The following UMODL1 variants were observed in gnomAD, a reference collection of about 807,000 sequenced individuals.
UMODL1 encodes the protein uromodulin like 1.
UMODL1 carries 128 observed loss-of-function variants against 136.3 expected under a neutral mutation model. The ratio of observed to expected loss-of-function variants is 0.94; its 90% CI spans 0.81 to 1.09. The LOEUF (loss-of-function observed/expected upper bound fraction) is 1.09, where lower values mean the gene tolerates loss of function less well. Ranked by LOEUF, UMODL1 falls within the 50% of genes least tolerant of loss-of-function variation. The pLI is 0.00. For synonymous variants in UMODL1, 721 were observed against 720.0 expected (o/e 1.00, Z -0.02); for missense variants, 1,766 against 1,725.6 (o/e 1.02, Z -0.41).
intron 17 of UMODL1, among the ~76,000 whole-genome samples, chr21:42,124,037 G>T (rs2067017445): frequency 6.6e-6 from 1 of 152,198 alleles, no homozygotes; most frequent in South Asian, 2.1e-4. Context: ...TGCGTCCTGG[G>T]TCTACTCTGA....
At chr21:42,119,891 T>G (rs975505544) in intron 15 of UMODL1, among the ~76,000 whole-genome samples, 2 of 152,226 alleles carry the variant, frequency 1.3e-5, no homozygotes, top group African/African-American at 4.8e-5. Flanking sequence ...AACGATGAGA[T>G]GCTGACTGCA....
chr21:42,130,703 T>C (rs2067123168), intron 21 of UMODL1, among the ~76,000 whole-genome samples: 1 of 152,154 alleles, frequency 6.6e-6, no homozygotes, highest in Non-Finnish European at 1.5e-5. Flanking sequence ...GTGCCTACCC[T>C]CTGCCTCTTT....
Position 42,103,428 on chromosome 21 carries a change from G to A in UMODL1, c.1300-440G>A. On this transcript the variant is annotated intron_variant, in intron 8 of 22. Coordinates refer to ENST00000408910, the MANE Select transcript of UMODL1 (RefSeq NM_001004416.3). ...GGTAGCCCTAAGCACCTGGCTCTGT[G>A]TGCGTGTTTTGTGTGGGATACAGCC... The A allele has an allele frequency of 5.7e-6, 2 of 347,956 alleles. 1 individual carries two copies. 21.6% of individuals were successfully genotyped at this position (347,956 alleles called of 1,614,324 possible). A position where few individuals can be genotyped will look rare whatever the true frequency, so the allele number is the denominator to read the frequency against.
intron 14 of UMODL1, among the ~76,000 whole-genome samples, 169 bp downstream of exon 14, chr21:42,116,154 G>A (rs1482931509): frequency 8.3e-5 from 8 of 96,430 alleles, no homozygotes. Flanking sequence ...GGGCAACATG[G>A]CAAAACCCCA....
chr21:42,071,480 T>G (rs1004863318), intron 1 of UMODL1, 88 bp downstream of exon 1: 12 of 1,332,776 alleles, frequency 9.0e-6, no homozygotes, highest in Non-Finnish European at 1.2e-5. Context: ...TGTGGAGACC[T>G]GGGCAGGCAA....
At chr21:42,077,210 G>A (rs2066305190) in intron 2 of UMODL1, among the ~76,000 whole-genome samples, 1 of 152,000 alleles carries the variant, frequency 6.6e-6, no homozygotes, top group Non-Finnish European at 1.5e-5. Flanking sequence ...AGACATAAGG[G>A]CTGTGACCTC....
At chr21:42,111,838 C>A in intron 12 of UMODL1, 128 bp downstream of exon 12, 1 of 1,013,966 alleles carries the variant, frequency 9.9e-7, no homozygotes, top group Non-Finnish European at 1.4e-6. Context: ...GCATCCTCAT[C>A]TTGTGCGTGT....
chr21:42,076,007 A>G lies in UMODL1; in HGVS notation c.79A>G (p.Lys27Glu). Residue 27 changes from lysine (K) to glutamate (E), a missense_variant and splice_region_variant, in exon 2 of 23, where the codon AAA (lysine) becomes GAA (glutamate). Physicochemically the swap from Lys to Glu is moderately conservative, Grantham distance 56 (BLOSUM62 1). Transcript: ENST00000408910. ...CCTTCTTGCTTGGCCTCTTTCAGAAAAAGGCCTCTCCCTGTTGGGCTACCA... is the reference window on the plus strand; with the variant it reads ...CCTTCTTGCTTGGCCTCTTTCAGAAGAAGGCCTCTCCCTGTTGGGCTACCA... ...GPSQASGFTE[K>E]GLSLLGYQLC... 1 of 1,613,142 alleles carries G rather than the reference A, an allele frequency of 6.2e-7. No individual in the cohort carries two copies. Among genetic ancestry groups the G allele is most frequent in the Non-Finnish European group, 8.5e-7 (1 of 1,179,120 alleles).
chr21:42,084,322 G>C (rs575062025), intron 3 of UMODL1, 77 bp downstream of exon 3: 296 of 1,475,652 alleles, frequency 2.0e-4, no homozygotes, highest in Non-Finnish European at 2.4e-4. Flanking sequence ...GTGAAGGTGT[G>C]GGGGGGAGTG....
intron 6 of UMODL1, chr21:42,093,269 G>C (rs938267759): frequency 6.6e-6 from 1 of 152,294 alleles, no homozygotes; most frequent in Non-Finnish European, 1.5e-5. Context: ...CTGGAGTGCA[G>C]TGGCGTGATC....
At chr21:42,125,515 A>T (rs1350843438) in intron 17 of UMODL1, among the ~76,000 whole-genome samples, 5 of 152,176 alleles carry the variant, frequency 3.3e-5, no homozygotes, top group African/African-American at 1.2e-4. Flanking sequence ...ACAGCTACAA[A>T]ACCTTCCTCA....
chr21:42,118,873 G>A (rs995067269), intron 14 of UMODL1, among the ~76,000 whole-genome samples: 1 of 103,186 alleles, frequency 9.7e-6, no homozygotes, highest in Non-Finnish European at 2.2e-5. Context: ...TTCTGAAGCC[G>A]TTTACTGGTT....
chr21:42,067,911 T>C (rs2066196362), upstream of UMODL1, among the ~76,000 whole-genome samples: 1 of 152,186 alleles, frequency 6.6e-6, no homozygotes, highest in African/African-American at 2.4e-5. Flanking sequence ...TCATTCGGGC[T>C]GTGATAAGAA....
chr21:42,085,776 TC>T lies in UMODL1; in HGVS notation c.603+365del, dbSNP rs752413809. 6.6e-6 allele frequency among the ~76,000 whole-genome samples: 1 copy of T among 152,070 alleles called. No homozygotes were observed. The highest frequency in any genetic ancestry group is 6.5e-5 in the Admixed American group (1 of 15,268). On this transcript the variant is annotated intron_variant, in intron 4 of 22. Transcript: ENST00000408910. This position sits in a 1 kb window ranked among gnomAD's most constrained non-coding sequence, Gnocchi z 4.5. ...CTCACCACCCTCAGTCCCAATTTCTTCAAGTTCTGGCTCCTGCTTCGTGGAA... is the reference window on the plus strand; with the variant it reads ...CTCACCACCCTCAGTCCCAATTTCTTAAGTTCTGGCTCCTGCTTCGTGGAA...
intron 5 of UMODL1, among the ~76,000 whole-genome samples, chr21:42,089,799 T>C (rs368854410): frequency 1.4e-4 from 21 of 152,352 alleles, no homozygotes; most frequent in African/African-American, 4.3e-4. Flanking sequence ...GGGTGACACA[T>C]GAGCTTATCG....
In UMODL1 at chr21:42,110,882, G is replaced by GC; in HGVS notation, c.1660_1661insC (p.Asp554AlafsTer69). ...TGACAGTGGATGTGTCTTGGCAGGT[G>GC]ACCTGGTGAGCCCCATGGGCGGTGG... On this transcript the variant is annotated frameshift_variant, in exon 11 of 23. Transcript: ENST00000408910. LOFTEE classifies it high-confidence loss of function. 3 of 1,601,128 alleles carry GC rather than the reference G, an allele frequency of 1.9e-6. No homozygotes were observed. The highest frequency in any genetic ancestry group is 2.6e-6 in the Non-Finnish European group (3 of 1,174,796).
At chr21:42,066,010 C>T (rs1016134353) in intron 1 of UMODL1, among the ~76,000 whole-genome samples, 1 of 152,186 alleles carries the variant, frequency 6.6e-6, no homozygotes, top group Non-Finnish European at 1.5e-5. Flanking sequence ...AATTCTTTGT[C>T]CTAACGTTAT....
At chr21:42,094,383 G>A (rs1213054285) in intron 6 of UMODL1, among the ~76,000 whole-genome samples, 3 of 152,256 alleles carry the variant, frequency 2.0e-5, no homozygotes, top group Non-Finnish European at 4.4e-5. Context: ...ACTGTCAGAC[G>A]TGGAGAACCC....
rs1168449520 is a variant in UMODL1, at chr21:42,122,536, T to C, written c.2828-295T>C. Among the ~76,000 whole-genome samples the C allele has an allele frequency of 6.6e-6, 1 of 151,360 alleles. No homozygotes were observed. Among genetic ancestry groups the C allele is most frequent in the Non-Finnish European group, 1.5e-5 (1 of 67,476 alleles). On this transcript the variant is annotated intron_variant, in intron 16 of 22. Transcript: ENST00000408910. The surrounding 1 kb of genome is among the most constrained non-coding windows in gnomAD (Gnocchi z 4.3). ...TGAGCTGGTGGAAATGTGCAACATG[T>C]GCATGTGTGCGTGTGTGTGTGTCTG...
Sources: allele counts gnomAD v4.1 joint callset (sites outside exome capture counted in the v4.1 genomes callset), GRCh38; gene constraint gnomAD v4.1.1; non-coding constraint Gnocchi (gnomAD v3.1); transcripts MANE v1.5; gene names NCBI Gene and HGNC (gene_info 2026-07-23, HGNC 2026-07-21).